INTS11: variants seen among roughly 807,000 people sequenced by gnomAD.
INTS11 encodes the protein CPSF3-like protein.
INTS11 carries 77 observed loss-of-function variants against 78.6 expected under a neutral mutation model. The observed-to-expected ratio is 0.98, with a 90% CI of 0.81 to 1.18. The LOEUF (loss-of-function observed/expected upper bound fraction) is 1.18. Ranked by LOEUF, INTS11 falls within the 50% of genes most tolerant of loss-of-function variation. The probability of loss-of-function intolerance (pLI) is 0.00; values close to 1 mark genes in which losing one functional copy is unlikely to be tolerated. For missense variants in INTS11, 875 were observed against 825.9 expected (o/e 1.06, Z -0.73); for synonymous variants, 441 against 326.9 (o/e 1.35, Z -3.77).
Position 1,314,191 on chromosome 1 carries a change from A to C in INTS11, c.767+110T>G. On this transcript the variant is annotated intron_variant, in intron 8 of 16. Coordinates refer to ENST00000435064, the MANE Select transcript of INTS11 (RefSeq NM_017871.6). This position sits in a 1 kb window ranked among gnomAD's most constrained non-coding sequence, Gnocchi z 4.2. ...CACACGAGCGGCCCCCCAGGACAGC[A>C]GCAAGCAGGGCCAAGATGCCACCGC... 1.8e-6 allele frequency: 2 copies of C among 1,082,018 alleles called. No homozygotes were observed. The highest frequency in any genetic ancestry group is 2.8e-6 in the Non-Finnish European group (2 of 721,026). The allele number at this position is 1,082,018 out of a possible 1,614,324, so 67.0% of individuals were successfully genotyped here.
At position 1,313,849 on chromosome 1, in the gene INTS11, C is replaced by T. The variant is rs1465302844; in HGVS notation, c.840G>A (p.Lys280=). The change falls in exon 9 of 17, where the codon AAG becomes AAA. Residue 280 remains lysine (K), a synonymous_variant. Coordinates refer to ENST00000435064, the MANE Select transcript of INTS11 (RefSeq NM_017871.6). ...GLTEKANHYY[K]LFIPWTNQKI... ...TCTGGTTGGTCCAGGGGATGAACAG[C>T]TTGTAGTAGTGGTTGGCCTTCTCGG... 1 of 1,613,310 alleles carries T rather than the reference C, an allele frequency of 6.2e-7. No homozygotes were observed. The highest frequency in any genetic ancestry group is 1.7e-5 in the Admixed American group (1 of 60,006).
Position 1,321,084 on chromosome 1 carries a change from T to C in INTS11, c.38A>G (p.Gln13Arg). ...CAGGATGCAGCTTCGGCCCACGTCC[T>C]GGCCGGCCCCTACTCGAGGGAGGGC... Reference protein sequence around the residue: ...EIRVTPLGAGQDVGRSCILVS... With the variant: ...EIRVTPLGAGRDVGRSCILVS... The change falls in exon 2 of 17, where the codon CAG (glutamine) becomes CGG (arginine). Residue 13 changes from glutamine (Q) to arginine (R), a missense_variant. Physicochemically the swap from Gln to Arg is conservative, Grantham distance 43. Coordinates refer to ENST00000435064, the MANE Select transcript of INTS11 (RefSeq NM_017871.6). 3 of 1,610,842 alleles carry C rather than the reference T, an allele frequency of 1.9e-6. No individual in the cohort carries two copies. The highest frequency in any genetic ancestry group is 2.7e-5 in the African/African-American group (2 of 75,032).
At chr1:1,313,363 G>A (rs1424249621) in intron 10 of INTS11, 146 bp downstream of exon 10, 30 of 969,570 alleles carry the variant, frequency 3.1e-5, no homozygotes, top group Admixed American at 2.7e-4. Flanking sequence ...AGCTCCAGGC[G>A]GACATCGCCC....
chr1:1,320,326 G>A (rs531755934), intron 3 of INTS11, 130 bp downstream of exon 3: 111 of 813,932 alleles, frequency 1.4e-4, no homozygotes, highest in Admixed American at 2.2e-4. Flanking sequence ...AGCAGATCCT[G>A]GGGCCTAGAA....
rs1056114404 is a variant in INTS11 at position 1,319,308 on chromosome 1, G to C, written c.417C>G (p.His139Gln). The change falls in exon 4 of 17, where the codon CAC becomes CAG. Residue 139 changes from histidine (H) to glutamine (Q), a missense_variant. Physicochemically the swap from His to Gln is conservative, Grantham distance 24. Transcript: ENST00000435064. ...CMKKVVAVHL[H>Q]QTVQVDDELE... is the part of the protein sequence containing the mutation. ...CTGGGAACCTGACCTGGACCGTCTGGTGGAGGTGGACAGCCACCACCTTCT... is the reference window on the plus strand; with the variant it reads ...CTGGGAACCTGACCTGGACCGTCTGCTGGAGGTGGACAGCCACCACCTTCT... 6 of 1,612,956 alleles carry C rather than the reference G, an allele frequency of 3.7e-6. No individual in the cohort carries two copies. In the Middle Eastern group the frequency reaches 8.3e-4, roughly 222 times the overall value.
chr1:1,319,157 C>T lies in INTS11; in HGVS notation c.429+139G>A, dbSNP rs775539257. The T allele has an allele frequency of 2.6e-5, 22 of 857,972 alleles. 1 individual carries two copies. The highest frequency in any genetic ancestry group is 1.3e-4 in the South Asian group (10 of 76,090). The allele number at this position is 857,972 out of a possible 1,614,324, so 53.1% of individuals were successfully genotyped here. A position where few individuals can be genotyped will look rare whatever the true frequency, so the allele number is the denominator to read the frequency against. ...GCGCTGACGCCTCCTGGTGTCCCCACGGTGCTGGACGCAAGAGTGAGGTGG... is the reference window on the plus strand; with the variant it reads ...GCGCTGACGCCTCCTGGTGTCCCCATGGTGCTGGACGCAAGAGTGAGGTGG... On this transcript the variant is annotated intron_variant, in intron 4 of 16. Coordinates refer to ENST00000435064, the MANE Select transcript of INTS11 (RefSeq NM_017871.6).
Position 1,312,886 on chromosome 1 carries a change from T to A in INTS11, c.1195A>T (p.Met399Leu). The change falls in exon 12 of 17, where the codon ATG becomes TTG. Residue 399 changes from methionine (M) to leucine (L), a missense_variant. Transcript: ENST00000435064. Reference protein sequence around the residue: ...FSAHADAKGIMQLVGQAEPES... With the variant: ...FSAHADAKGILQLVGQAEPES... ...GGCTCTGCCTGGCCCACCAGCTGCA[T>A]GATGCCCTTGGCGTCCGCGTGTGCG... 6.2e-7 allele frequency: 1 copy of A among 1,612,610 alleles called. No homozygotes were observed. The highest frequency in any genetic ancestry group is 1.1e-5 in the South Asian group (1 of 91,088).
chr1:1,322,060 A>T, intron 1 of INTS11: 1 of 985,144 alleles, frequency 1.0e-6, no homozygotes, highest in Non-Finnish European at 1.4e-6. Flanking sequence ...CTCTGAGAGC[A>T]GGGTCTCAGC....
chr1:1,317,735 A>G (rs999415561), intron 4 of INTS11: 4 of 152,254 alleles, frequency 2.6e-5, no homozygotes, highest in African/African-American at 9.6e-5. Context: ...ACGGCTGCCC[A>G]TGCCCAGAGA....
intron 4 of INTS11, chr1:1,317,204 A>G (rs1181187030): frequency 1.3e-5 from 2 of 151,966 alleles, no homozygotes; most frequent in African/African-American, 2.4e-5. Context: ...AGCCTGACCA[A>G]CATGGTGAAA....
In INTS11 at chr1:1,311,808, G is replaced by A; in HGVS notation, c.*51C>T. The A allele has an allele frequency of 2.7e-6, 4 of 1,506,102 alleles. No individual in the cohort carries two copies. The highest frequency in any genetic ancestry group is 3.6e-6 in the Non-Finnish European group (4 of 1,118,124). The allele number at this position is 1,506,102 out of a possible 1,614,324, so 93.3% of individuals were successfully genotyped here. On this transcript the variant is annotated 3_prime_UTR_variant, in exon 17 of 17. Transcript: ENST00000435064. ...CACAGTCCTGAAGTGCAGGCCCAGG[G>A]TCTGTCCAGCTGGGAGAGGGCAGAG...
intron 16 of INTS11, 37 bp downstream of exon 16, chr1:1,311,981 C>A (rs1419783375): frequency 6.3e-7 from 1 of 1,596,644 alleles, no homozygotes; most frequent in Non-Finnish European, 8.5e-7. Context: ...ATGTTGATAC[C>A]TGTGTTGACC....
Position 1,314,254 on chromosome 1 carries a change from C to T in INTS11, c.767+47G>A. 6.6e-7 allele frequency: 1 copy of T among 1,520,296 alleles called. No individual in the cohort carries two copies. The highest frequency in any genetic ancestry group is 8.9e-7 in the Non-Finnish European group (1 of 1,118,070). The allele number at this position is 1,520,296 out of a possible 1,614,324, so 94.2% of individuals were successfully genotyped here. A position where few individuals can be genotyped will look rare whatever the true frequency, so the allele number is the denominator to read the frequency against. ...GGCTGCCCACCAACTGGACTGTGTT[C>T]AGGCCGGGCCAGGGGCTCCTTAAAG... On this transcript the variant is annotated intron_variant, in intron 8 of 16. Transcript: ENST00000435064. The surrounding 1 kb of genome is among the most constrained non-coding windows in gnomAD (Gnocchi z 4.2).
rs770357848 is a variant in INTS11 at position 1,312,376 on chromosome 1, G to A, written c.1465-8C>T. ...GGACACCAGCCGGAAGTTCTGTGGG[G>A]CAGGGACAGGTCAGTGAGCGCAGCA... On this transcript the variant is annotated splice_region_variant and splice_polypyrimidine_tract_variant and intron_variant, in intron 14 of 16. Transcript: ENST00000435064. 4.5e-6 allele frequency: 7 copies of A among 1,567,192 alleles called. No individual in the cohort carries two copies. The Admixed American group carries it at 9.4e-5, about 21-fold the overall frequency.
rs140229467 is a variant in INTS11 at position 1,312,905 on chromosome 1, G to A, written c.1176C>T (p.His392=). 31 of 1,612,488 alleles carry A rather than the reference G, an allele frequency of 1.9e-5. No homozygotes were observed. The highest frequency in any genetic ancestry group is 1.9e-4 in the African/African-American group (14 of 75,070). ...GCTGCATGATGCCCTTGGCGTCCGC[G>A]TGTGCGCTGAATGACATGTACTCCA... ...MQVEYMSFSA[H]ADAKGIMQLV... Residue 392 remains histidine (H), a synonymous_variant, in exon 12 of 17, where the codon CAC becomes CAT. Transcript: ENST00000435064.
At chr1:1,324,086 G>A (rs1246430799) in intron 1 of INTS11, among the ~76,000 whole-genome samples, 2 of 114,146 alleles carry the variant, frequency 1.8e-5, no homozygotes, top group Non-Finnish European at 3.7e-5. Context: ...GGGGCTGGGA[G>A]GCTGAGAGGC....
At chr1:1,313,692 C>G (rs372312823) in intron 9 of INTS11, 40 bp downstream of exon 9, 2 of 1,609,784 alleles carry the variant, frequency 1.2e-6, no homozygotes, top group South Asian at 1.1e-5. Flanking sequence ...AGGAGACCGA[C>G]GGGTGTGGAT....
intron 1 of INTS11, chr1:1,321,980 G>A (rs1204397151): frequency 2.9e-6 from 4 of 1,373,944 alleles, no homozygotes; most frequent in Admixed American, 6.8e-5. Flanking sequence ...CAGCCGAGGG[G>A]CTGCCTGCCA....
At position 1,312,682 on chromosome 1, in the gene INTS11, G is replaced by A. The variant is rs368869209; in HGVS notation, c.1313C>T (p.Pro438Leu). 6.9e-6 allele frequency: 11 copies of A among 1,594,456 alleles called. No individual in the cohort carries two copies. The highest frequency in any genetic ancestry group is 2.2e-5 in the South Asian group (2 of 89,460). The change falls in exon 13 of 17, where the codon CCG becomes CTG. Residue 438 changes from proline (P) to leucine (L), a missense_variant. Pro to Leu is a moderately conservative substitution (Grantham distance 98). Coordinates refer to ENST00000435064, the MANE Select transcript of INTS11 (RefSeq NM_017871.6). ...CAGCGTCACCGTCTCGCCATTGGCC[G>A]GCATGTAGCAGTTGACCCCTGGACC... Reference protein sequence around the residue: ...EQELRVNCYMPANGETVTLPT... With the variant: ...EQELRVNCYMLANGETVTLPT...
Sources: allele counts gnomAD v4.1 joint callset (sites outside exome capture counted in the v4.1 genomes callset), GRCh38; gene constraint gnomAD v4.1.1; non-coding constraint Gnocchi (gnomAD v3.1); transcripts MANE v1.5; gene names NCBI Gene and HGNC (gene_info 2026-07-23, HGNC 2026-07-21).